Variants in SPIDR observed in about 807,000 individuals in gnomAD.
The protein encoded by SPIDR is DNA repair-scaffolding protein.
SPIDR carries 93 observed loss-of-function variants against 104.6 expected under a neutral mutation model. That is an observed-to-expected ratio of 0.89 (90% confidence interval 0.75 to 1.06). The LOEUF (loss-of-function observed/expected upper bound fraction) is 1.06. Among genes scored for constraint, SPIDR ranks in the 50% least tolerant of loss-of-function variants. The pLI is 0.00. For synonymous variants in SPIDR, 431 were observed against 416.9 expected (o/e 1.03, Z -0.41); for missense variants, 1,154 against 1,111.2 (o/e 1.04, Z -0.55).
intron 8 of SPIDR, among the ~76,000 whole-genome samples, chr8:47,452,236 C>T (rs1217991422): frequency 6.6e-6 from 1 of 152,018 alleles, no homozygotes; most frequent in Non-Finnish European, 1.5e-5. Context: ...TTATCAGAAA[C>T]TGTGAGGTCC....
intron 8 of SPIDR, among the ~76,000 whole-genome samples, chr8:47,457,873 T>C (rs1554710755): frequency 6.6e-6 from 1 of 152,204 alleles, no homozygotes; most frequent in Admixed American, 6.5e-5. Context: ...CTTTATGTTT[T>C]TGTTTACTTT....
chr8:47,687,916 G>T (rs2078031276), intron 11 of SPIDR, among the ~76,000 whole-genome samples: 1 of 151,868 alleles, frequency 6.6e-6, no homozygotes, highest in Non-Finnish European at 1.5e-5. Flanking sequence ...TAAAAAATTA[G>T]CCGAGTGTGG....
rs191453731 is a variant in SPIDR, at chr8:47,640,520, T to C, written c.1545-33281T>C. 3.3e-5 allele frequency among the ~76,000 whole-genome samples: 5 copies of C among 152,152 alleles called. No homozygotes were observed. The East Asian group carries it at 9.6e-4, about 29-fold the overall frequency. The stretch of plus-strand genomic sequence containing the variant: ...GCATATAAAAAGAGAGAGGGTGGCG[T>C]GAGGAAAAAATGTTTTGTCCTTTAA... On this transcript the variant is annotated intron_variant, in intron 10 of 19. Coordinates refer to ENST00000297423, the MANE Select transcript of SPIDR (RefSeq NM_001080394.4).
chr8:47,261,780 C>T (rs72644587), intron 1 of SPIDR, among the ~76,000 whole-genome samples: 16,501 of 152,120 alleles, frequency 0.11, 1,250 homozygotes, highest in African/African-American at 0.22. Context: ...TCTCAAATAC[C>T]ATTGATTATC....
At position 47,719,389 on chromosome 8, in the gene SPIDR, G is replaced by A. The variant is rs185257903; in HGVS notation, c.2341+5748G>A. Among the ~76,000 whole-genome samples the A allele has an allele frequency of 3.2e-4, 48 of 152,108 alleles. No homozygotes were observed. The East Asian group carries it at 9.1e-3, about 29-fold the overall frequency. On this transcript the variant is annotated intron_variant, in intron 16 of 19. Transcript: ENST00000297423. ...CTGGGCATGGTGGCAGGCACCTGTAGTCCCAGCTACTCGGGAGGCTGAGGC... is the reference window on the plus strand; with the variant it reads ...CTGGGCATGGTGGCAGGCACCTGTAATCCCAGCTACTCGGGAGGCTGAGGC...
chr8:47,381,623 G>A (rs1330738025), intron 5 of SPIDR, among the ~76,000 whole-genome samples: 2 of 152,188 alleles, frequency 1.3e-5, no homozygotes, highest in African/African-American at 4.8e-5. Context: ...TCCTATTCGG[G>A]CAGGTCTGGG....
At chr8:47,489,934 A>G (rs1313671552) in intron 8 of SPIDR, among the ~76,000 whole-genome samples, 2 of 152,248 alleles carry the variant, frequency 1.3e-5, no homozygotes, top group South Asian at 2.1e-4. Context: ...TTCAGGACAT[A>G]GGCATGGGCA....
intron 8 of SPIDR, among the ~76,000 whole-genome samples, chr8:47,529,772 GAAAT>G (rs1317663906): frequency 6.6e-5 from 10 of 151,354 alleles, no homozygotes; most frequent in African/African-American, 2.4e-5. Context: ...ATGTATAAAT[GAAAT>G]GAATGACAGC....
chr8:47,518,701 A>G (rs939793306), intron 8 of SPIDR, among the ~76,000 whole-genome samples: 8 of 151,744 alleles, frequency 5.3e-5, no homozygotes, highest in Non-Finnish European at 1.0e-4. Context: ...CAGTGGCGCA[A>G]TCTCGGCTCA....
chr8:47,261,095 G>C (rs1037211407), intron 1 of SPIDR, 104 bp downstream of exon 1: 51 of 1,178,470 alleles, frequency 4.3e-5, no homozygotes, highest in Non-Finnish European at 5.2e-5. Flanking sequence ...AGAGAGGGTG[G>C]GCGTTGGGGG....
At chr8:47,505,121 C>CGGAG (rs2081267898) in intron 8 of SPIDR, among the ~76,000 whole-genome samples, 1 of 152,180 alleles carries the variant, frequency 6.6e-6, no homozygotes, top group Admixed American at 6.5e-5. Flanking sequence ...CTCAGATCTC[C>CGGAG]ATCTGAGTGC....
chr8:47,708,313 A>G (rs1053785031), intron 14 of SPIDR, among the ~76,000 whole-genome samples: 7 of 152,366 alleles, frequency 4.6e-5, no homozygotes, highest in South Asian at 2.1e-4. Flanking sequence ...ACAAACAAAC[A>G]AACAAAAAAC....
At chr8:47,307,653 C>A (rs587708226) in intron 5 of SPIDR, among the ~76,000 whole-genome samples, 18 of 151,046 alleles carry the variant, frequency 1.2e-4, no homozygotes, top group African/African-American at 2.7e-4. Context: ...ATTCTCATGC[C>A]TCAGCCTCCC....
At chr8:47,643,151 A>G (rs1036268772) in intron 10 of SPIDR, among the ~76,000 whole-genome samples, 2 of 152,176 alleles carry the variant, frequency 1.3e-5, no homozygotes, top group Non-Finnish European at 2.9e-5. Context: ...TAAAGGCCTT[A>G]AAACATGAAT....
chr8:47,347,322 TG>T (rs1296003654), intron 5 of SPIDR, among the ~76,000 whole-genome samples: 1 of 152,230 alleles, frequency 6.6e-6, no homozygotes, highest in African/African-American at 2.4e-5. Context: ...CAGTTTGTTA[TG>T]ATTTCTGTTC....
At chr8:47,701,671 TGAG>T in intron 12 of SPIDR, 47 bp from the exon 13 acceptor site, 1 of 1,563,902 alleles carries the variant, frequency 6.4e-7, no homozygotes, top group Admixed American at 1.9e-5. Flanking sequence ...CTCCTCTTTT[TGAG>T]TCTTTTAACA....
chr8:47,681,690 A>G lies in SPIDR; in HGVS notation c.1685+7749A>G, dbSNP rs1197899672. Among the ~76,000 whole-genome samples, 4 of 152,346 alleles carry G rather than the reference A, an allele frequency of 2.6e-5. No individual in the cohort carries two copies. The East Asian group carries it at 7.7e-4, about 29-fold the overall frequency. On this transcript the variant is annotated intron_variant, in intron 11 of 19. Transcript: ENST00000297423. The stretch of plus-strand genomic sequence containing the variant: ...TTCAACTGTTTCTTCACTTCCTTAT[A>G]TATTTGGTTGCTTTACTATGAACAC...
intron 5 of SPIDR, among the ~76,000 whole-genome samples, chr8:47,390,230 G>A (rs1210592089): frequency 6.6e-6 from 1 of 152,124 alleles, no homozygotes; most frequent in Non-Finnish European, 1.5e-5. Context: ...GTGTAGTTGA[G>A]AATGGACTGT....
At chr8:47,479,705 G>A (rs2076680020) in intron 8 of SPIDR, among the ~76,000 whole-genome samples, 1 of 152,210 alleles carries the variant, frequency 6.6e-6, no homozygotes, top group Non-Finnish European at 1.5e-5. Context: ...GAAGGGAGGG[G>A]CTCAGGGCAA....
Sources: gnomAD v4.1 joint callset for allele counts (sites outside exome capture counted in the v4.1 genomes callset) on GRCh38, gnomAD v4.1.1 for gene constraint, MANE v1.5 for transcripts, NCBI Gene and HGNC (gene_info 2026-07-23, HGNC 2026-07-21) for gene names.